The following TAF4 variants were observed in gnomAD, a reference collection of about 807,000 sequenced individuals.
TAF4 encodes the protein transcription initiation factor TFIID subunit 4.
Under a neutral mutation model 90.3 loss-of-function variants are expected in TAF4, and 9 were observed. The ratio of observed to expected loss-of-function variants is 0.10; its 90% CI spans 0.06 to 0.17. The LOEUF (loss-of-function observed/expected upper bound fraction) is 0.17. TAF4 is among the 10% of genes least tolerant of loss of function. The probability of loss-of-function intolerance (pLI) is 1.00; values close to 1 mark genes in which losing one functional copy is unlikely to be tolerated. For missense variants in TAF4, 1,351 were observed against 1,370.7 expected, an observed-to-expected ratio of 0.99 and a Z score of 0.23; for synonymous variants, 818 against 638.9, an observed-to-expected ratio of 1.28 and a Z score of -4.23.
intron 1 of TAF4, among the ~76,000 whole-genome samples, chr20:62,019,998 C>T (rs1244063997): frequency 6.6e-6 from 1 of 152,192 alleles, no homozygotes; most frequent in Non-Finnish European, 1.5e-5. Flanking sequence ...CCTCCTGAGG[C>T]CCAGCCCCGG....
chr20:61,979,584 G>A (rs1282514675), intron 14 of TAF4, among the ~76,000 whole-genome samples: 1 of 145,068 alleles, frequency 6.9e-6, no homozygotes, highest in Non-Finnish European at 1.5e-5. Context: ...AGGCGCGACG[G>A]CCTCTAGAGG....
intron 1 of TAF4, among the ~76,000 whole-genome samples, chr20:62,016,827 G>GCTC (rs1179406536): frequency 2.6e-5 from 4 of 152,254 alleles, no homozygotes; most frequent in Admixed American, 2.6e-4. Context: ...GAGACACCTT[G>GCTC]CTCCTCCTCC....
chr20:62,027,603 C>G (rs894351452), intron 1 of TAF4, among the ~76,000 whole-genome samples: 1 of 152,170 alleles, frequency 6.6e-6, no homozygotes, highest in Non-Finnish European at 1.5e-5. Context: ...GTTTCTCCTG[C>G]CAACCACAAA....
intron 14 of TAF4, chr20:61,980,978 A>T (rs2055537310): frequency 6.6e-6 from 1 of 152,436 alleles, no homozygotes; most frequent in African/African-American, 2.4e-5. Context: ...TGAGCACAAG[A>T]CGGGAAGGGG....
intron 2 of TAF4, 54 bp downstream of exon 2, chr20:62,014,493 G>A: frequency 1.3e-6 from 2 of 1,533,866 alleles, no homozygotes; most frequent in African/African-American, 1.4e-5. Flanking sequence ...GCATGCGTGG[G>A]GAGAGGGGCT....
intron 14 of TAF4, among the ~76,000 whole-genome samples, chr20:61,986,792 T>C (rs1465802802): frequency 6.6e-6 from 1 of 152,276 alleles, no homozygotes; most frequent in East Asian, 1.9e-4. Context: ...AGTAACTGAA[T>C]GAATTAACAA....
intron 14 of TAF4, among the ~76,000 whole-genome samples, chr20:61,977,555 G>C (rs537588757): frequency 6.6e-6 from 1 of 152,226 alleles, no homozygotes; most frequent in Admixed American, 6.5e-5. Context: ...TGGGAGCATG[G>C]CTGCCTTGTG....
chr20:61,992,594 C>T (rs1237843909), intron 14 of TAF4, among the ~76,000 whole-genome samples: 1 of 152,066 alleles, frequency 6.6e-6, no homozygotes, highest in Non-Finnish European at 1.5e-5. Context: ...CCCATATAAG[C>T]CCATGAGACC....
intron 14 of TAF4, among the ~76,000 whole-genome samples, chr20:61,985,777 G>A (rs2055585416): frequency 6.6e-6 from 1 of 151,716 alleles, no homozygotes. Flanking sequence ...AGGTGCAGAC[G>A]AGTGTTTGTG....
At chr20:62,025,174 GT>G (rs149592957) in intron 1 of TAF4, among the ~76,000 whole-genome samples, 19,122 of 152,124 alleles carry the variant, frequency 0.13, 1,519 homozygotes, top group East Asian at 0.44. Flanking sequence ...CACCTGAGGT[GT>G]TTTAAGCAAG....
At chr20:62,023,229 C>A (rs2145486489) in intron 1 of TAF4, among the ~76,000 whole-genome samples, 1 of 152,292 alleles carries the variant, frequency 6.6e-6, no homozygotes, top group South Asian at 2.1e-4. Flanking sequence ...ATCATTTGAG[C>A]CCAGGAGTTC....
At chr20:62,064,318 G>A (rs935349644) in intron 1 of TAF4, 133 bp downstream of exon 1, 16 of 1,079,076 alleles carry the variant, frequency 1.5e-5, no homozygotes, top group Non-Finnish European at 1.7e-5. Flanking sequence ...GGTAGAGACT[G>A]CCCCTCGGCC....
intron 1 of TAF4, among the ~76,000 whole-genome samples, chr20:62,026,406 G>A (rs2055874909): frequency 6.6e-6 from 1 of 152,174 alleles, no homozygotes; most frequent in African/African-American, 2.4e-5. Flanking sequence ...ACAGCTGCAG[G>A]GGTTCTCAGC....
At position 61,999,106 on chromosome 20, in the gene TAF4, A is replaced by T. The variant is rs763518230; in HGVS notation, c.2790T>A (p.Asp930Glu). 12 of 1,613,864 alleles carry T rather than the reference A, an allele frequency of 7.4e-6. No individual in the cohort carries two copies. The highest frequency in any genetic ancestry group is 1.3e-5 in the African/African-American group (1 of 74,904). Residue 930 changes from aspartate (D) to glutamate (E), a missense_variant and splice_region_variant, in exon 12 of 15, where the codon GAT (aspartate) becomes GAA (glutamate). Physicochemically the swap from Asp to Glu is conservative, Grantham distance 45. Around this residue, in one of 9 missense-constraint regions of TAF4, gnomAD observed 95 missense variants for 151.3 expected, o/e 0.63. Transcript: ENST00000252996. ...TAQQKNFSYK[D>E]DDRYEQASDV... ...CACTCGCCTGCTCATATCTGTCGTCATCCTATGAAGAAAGTTAAAATACTG... is the reference window on the plus strand; with the variant it reads ...CACTCGCCTGCTCATATCTGTCGTCTTCCTATGAAGAAAGTTAAAATACTG...
chr20:62,062,609 GCA>G (rs1350715098), intron 1 of TAF4, among the ~76,000 whole-genome samples: 2 of 152,212 alleles, frequency 1.3e-5, no homozygotes, highest in Admixed American at 6.5e-5. Context: ...CAGGAATCAC[GCA>G]CAGTCAACAC....
At chr20:61,986,091 T>A (rs538237218) in intron 14 of TAF4, among the ~76,000 whole-genome samples, 3 of 62,000 alleles carry the variant, frequency 4.8e-5, no homozygotes, top group African/African-American at 1.8e-4. Flanking sequence ...CCATCCCCCA[T>A]CAAAGGAAAC....
chr20:62,021,566 G>A (rs2055843371), intron 1 of TAF4, among the ~76,000 whole-genome samples: 2 of 152,274 alleles, frequency 1.3e-5, no homozygotes, highest in Non-Finnish European at 1.5e-5. Flanking sequence ...GGCTGCGTGG[G>A]CTGGGCCGGG....
At position 62,055,146 on chromosome 20, in the gene TAF4, C is replaced by T. The variant is rs532147855; in HGVS notation, c.1360+9305G>A. ...ACTTGGAATCAATTCACACTGCCTG[C>T]GGGCAGTCCTGCAATACAATCGATT... On this transcript the variant is annotated intron_variant, in intron 1 of 14. Transcript: ENST00000252996. Among the ~76,000 whole-genome samples the T allele has an allele frequency of 4.6e-5, 7 of 151,284 alleles. No homozygotes were observed. In the South Asian group the frequency reaches 6.2e-4, roughly 13 times the overall value.
At chr20:62,050,027 A>G (rs940918552) in intron 1 of TAF4, among the ~76,000 whole-genome samples, 1 of 152,070 alleles carries the variant, frequency 6.6e-6, no homozygotes, top group Non-Finnish European at 1.5e-5. Flanking sequence ...CGCTCACCCC[A>G]TCTTCACCCA....
Sources: allele counts gnomAD v4.1 joint callset (sites outside exome capture counted in the v4.1 genomes callset), GRCh38; gene constraint gnomAD v4.1.1; regional missense constraint gnomAD v4.1.1; transcripts MANE v1.5; gene names NCBI Gene and HGNC (gene_info 2026-07-23, HGNC 2026-07-21).